The following BCR variants were observed in gnomAD, a reference collection of about 807,000 sequenced individuals.
BCR encodes breakpoint cluster region protein.
Under a neutral mutation model 138.6 loss-of-function variants are expected in BCR, and 58 were observed. The ratio of observed to expected loss-of-function variants is 0.42; its 90% confidence interval spans 0.34 to 0.52. The LOEUF is 0.52. Ranked by LOEUF, BCR falls within the 20% of genes least tolerant of loss-of-function variation. The pLI is 0.06. For synonymous variants in BCR, 786 were observed against 730.1 expected (o/e 1.08, Z -1.23); for missense variants, 1,599 against 1,727.2 (o/e 0.93, Z 1.32).
At chr22:23,275,607 C>CGG (rs1394535903) in intron 8 of BCR, among the ~76,000 whole-genome samples, 1 of 152,176 alleles carries the variant, frequency 6.6e-6, no homozygotes, top group Non-Finnish European at 1.5e-5. Flanking sequence ...GAGCAACAAC[C>CGG]GGGCCCTGCC....
chr22:23,228,711 G>A (rs1275995163), intron 1 of BCR, among the ~76,000 whole-genome samples: 2 of 152,142 alleles, frequency 1.3e-5, no homozygotes, highest in Non-Finnish European at 2.9e-5. Flanking sequence ...TTTCTGATGG[G>A]AAATCTACAG....
At chr22:23,250,256 C>T (rs5996506) in intron 1 of BCR, among the ~76,000 whole-genome samples, 5,285 of 152,220 alleles carry the variant, frequency 0.035, 318 homozygotes, top group African/African-American at 0.12. Flanking sequence ...GTCATGGGCT[C>T]GGAAAGCACT....
intron 4 of BCR, chr22:23,262,828 A>C: frequency 9.8e-7 from 1 of 1,019,206 alleles, no homozygotes; most frequent in Non-Finnish European, 1.2e-6. Context: ...GCAAGGCGGA[A>C]GAGGAAGCAG....
intron 16 of BCR, among the ~76,000 whole-genome samples, chr22:23,307,344 T>G (rs987591209): frequency 6.6e-6 from 1 of 151,956 alleles, no homozygotes; most frequent in Non-Finnish European, 1.5e-5. Flanking sequence ...GCTCAAGTGA[T>G]CCTCCTGCCT....
At chr22:23,289,026 C>T (rs1045580246) in intron 12 of BCR, among the ~76,000 whole-genome samples, 1 of 152,212 alleles carries the variant, frequency 6.6e-6, no homozygotes, top group Non-Finnish European at 1.5e-5. Flanking sequence ...GTGCTTGTGT[C>T]CCAGGGTTTC....
At chr22:23,213,460 A>G (rs1357429443) in intron 1 of BCR, among the ~76,000 whole-genome samples, 1 of 152,220 alleles carries the variant, frequency 6.6e-6, no homozygotes, top group Admixed American at 6.5e-5. Flanking sequence ...CAGCCTGTGC[A>G]CTGAGCATGT....
At chr22:23,202,060 T>C (rs2072559286) in intron 1 of BCR, among the ~76,000 whole-genome samples, 1 of 152,212 alleles carries the variant, frequency 6.6e-6, no homozygotes, top group East Asian at 1.9e-4. Context: ...CTTGTGTAAA[T>C]ATTATTTTTA....
In BCR at chr22:23,186,933, G is replaced by A. The variant is rs374763899; in HGVS notation, c.1279+4694G>A. 2.8e-3 allele frequency among the ~76,000 whole-genome samples: 423 copies of A among 152,202 alleles called. 3 individuals carry two copies. Among genetic ancestry groups the A allele is most frequent in the African/African-American group, 9.5e-3 (395 of 41,504 alleles). On this transcript the variant is annotated intron_variant, in intron 1 of 22. Transcript: ENST00000305877. ...GTATTTTCAGTAGAGACGGGGTTTC[G>A]CCATGTTGGCCAGGCTGGTCTGGAA...
At chr22:23,245,696 T>C (rs1291367972) in intron 1 of BCR, among the ~76,000 whole-genome samples, 1 of 151,798 alleles carries the variant, frequency 6.6e-6, no homozygotes, top group Non-Finnish European at 1.5e-5. Context: ...TGGCCTGAGG[T>C]TATGGCCAGG....
At chr22:23,185,534 C>A (rs559413639) in intron 1 of BCR, among the ~76,000 whole-genome samples, 4 of 151,232 alleles carry the variant, frequency 2.6e-5, no homozygotes, top group African/African-American at 9.7e-5. Context: ...GTGTGGTGGC[C>A]GGCGCCTGTA....
At chr22:23,206,959 C>T (rs1049937040) in intron 1 of BCR, among the ~76,000 whole-genome samples, 2 of 146,278 alleles carry the variant, frequency 1.4e-5, no homozygotes, top group Non-Finnish European at 3.0e-5. Flanking sequence ...CCCTCCCTCC[C>T]TCCCTCCCTC....
At chr22:23,194,480 G>A (rs969872141) in intron 1 of BCR, among the ~76,000 whole-genome samples, 4 of 150,918 alleles carry the variant, frequency 2.7e-5, no homozygotes, top group African/African-American at 9.8e-5. Context: ...GAGCAATCTC[G>A]GCTCACTGCA....
intron 3 of BCR, 122 bp from the exon 4 acceptor site, chr22:23,261,233 G>A: frequency 7.7e-7 from 1 of 1,302,468 alleles, no homozygotes; most frequent in Non-Finnish European, 1.1e-6. Flanking sequence ...AATTGTATTT[G>A]TTATGTGATT....
intron 14 of BCR, 186 bp downstream of exon 14, chr22:23,290,599 G>C: frequency 1.6e-6 from 1 of 627,362 alleles, no homozygotes; most frequent in Non-Finnish European, 2.9e-6. Context: ...TGTTTTTCCC[G>C]GAGTGGCCTC....
rs565578716 is a variant in BCR, at chr22:23,218,326, G to A, written c.1280-35473G>A. On this transcript the variant is annotated intron_variant, in intron 1 of 22. Transcript: ENST00000305877. ...CTCACGCCCAGGGTGACCAGAAACTGTGTTCCCTTCCCTAACCCACCGGGT... is the reference window on the plus strand; with the variant it reads ...CTCACGCCCAGGGTGACCAGAAACTATGTTCCCTTCCCTAACCCACCGGGT... 1.1e-4 allele frequency among the ~76,000 whole-genome samples: 16 copies of A among 152,348 alleles called. No homozygotes were observed. In the East Asian group the frequency reaches 2.5e-3, roughly 24 times the overall value.
Position 23,287,296 on chromosome 22 carries a change from C to A in BCR, c.2526+18C>A. 6.6e-7 allele frequency: 1 copy of A among 1,522,752 alleles called. No homozygotes were observed. Among genetic ancestry groups the A allele is most frequent in the Non-Finnish European group, 8.8e-7 (1 of 1,132,730 alleles). The allele number at this position is 1,522,752 out of a possible 1,614,324, so 94.3% of individuals were successfully genotyped here. ...ACGGCAAGGTGAGCGCCTGCTGTTC[C>A]GGCCCCTCCTGCTCTCCTGGCCTGG... On this transcript the variant is annotated intron_variant, in intron 11 of 22. Transcript: ENST00000305877.
intron 1 of BCR, among the ~76,000 whole-genome samples, chr22:23,241,206 C>T (rs977844412): frequency 9.2e-5 from 14 of 152,234 alleles, no homozygotes; most frequent in Non-Finnish European, 1.6e-4. Context: ...AGCCCAAGAC[C>T]GAGATGGGGG....
intron 4 of BCR, among the ~76,000 whole-genome samples, chr22:23,262,549 G>GC (rs529302499): frequency 5.3e-5 from 8 of 152,160 alleles, no homozygotes; most frequent in East Asian, 1.9e-4. Context: ...CATCTTTGAA[G>GC]CCCCCCCACC....
At chr22:23,315,279 A>C (rs2074056630) in intron 22 of BCR, among the ~76,000 whole-genome samples, 154 bp from the exon 23 acceptor site, 1 of 146,230 alleles carries the variant, frequency 6.8e-6, no homozygotes, top group African/African-American at 2.6e-5. Flanking sequence ...TCAGGACCCC[A>C]CCCCACCCCC....
Sources: gnomAD v4.1 joint callset for allele counts (sites outside exome capture counted in the v4.1 genomes callset) on GRCh38, gnomAD v4.1.1 for gene constraint, MANE v1.5 for transcripts, NCBI Gene and HGNC (gene_info 2026-07-23, HGNC 2026-07-21) for gene names.